The following RASAL3 variants were observed in gnomAD, a reference collection of about 807,000 sequenced individuals.
The protein encoded by RASAL3 is RAS protein activator like-3.
In RASAL3, 74 loss-of-function variants were observed where a neutral mutation model predicts 105.5. That is an observed-to-expected ratio of 0.70 (90% CI 0.58 to 0.85). The LOEUF is 0.85. Ranked by LOEUF, RASAL3 falls within the 40% of genes least tolerant of loss-of-function variation. The pLI is 0.00. For synonymous variants in RASAL3, 579 were observed against 591.6 expected, an observed-to-expected ratio of 0.98 and a Z score of 0.31; for missense variants, 1,352 against 1,392.0, an observed-to-expected ratio of 0.97 and a Z score of 0.46.
Position 15,456,795 on chromosome 19 carries a change from G to A in RASAL3, c.1432-149C>T, listed in dbSNP as rs946633431. The stretch of plus-strand genomic sequence containing the variant: ...GTCCTTACTGCTGGGGCTCATAACC[G>A]AGGCCGGAACCTCTAACCCTCACAG... On this transcript the variant is annotated intron_variant, in intron 9 of 17. Coordinates refer to ENST00000343625, the MANE Select transcript of RASAL3 (RefSeq NM_022904.3). The surrounding 1 kb of genome is among the most constrained non-coding windows in gnomAD (Gnocchi z 4.4). 12 of 980,578 alleles carry A rather than the reference G, an allele frequency of 1.2e-5. No individual in the cohort carries two copies. The Admixed American group carries it at 2.3e-4, about 19-fold the overall frequency. The allele number at this position is 980,578 out of a possible 1,614,324, so 60.7% of individuals were successfully genotyped here.
At chr19:15,464,416 T>G (rs1324679193) in intron 1 of RASAL3, 39 bp from the exon 2 acceptor site, 3 of 1,520,910 alleles carry the variant, frequency 2.0e-6, no homozygotes, top group African/African-American at 2.7e-5. Flanking sequence ...CCAGTGTCTG[T>G]CCACATACTG....
chr19:15,460,179 C>T (rs747293904), intron 6 of RASAL3, 24 bp downstream of exon 6: 1 of 1,593,306 alleles, frequency 6.3e-7, no homozygotes, highest in Non-Finnish European at 8.6e-7. Flanking sequence ...ACCCCAGCCC[C>T]TCCAGCCTCT....
chr19:15,453,520 T>C lies in RASAL3; in HGVS notation c.2280-23A>G. 1 of 1,494,200 alleles carries C rather than the reference T, an allele frequency of 6.7e-7. No individual in the cohort carries two copies. The allele number at this position is 1,494,200 out of a possible 1,614,324, so 92.6% of individuals were successfully genotyped here. ...AGGCTAGGGGTGGGATGGAGGATCT[T>C]AGACCCTCCACTGGCCCCTGAGACG... On this transcript the variant is annotated intron_variant, in intron 14 of 17. Coordinates refer to ENST00000343625, the MANE Select transcript of RASAL3 (RefSeq NM_022904.3). This position sits in a 1 kb window ranked among gnomAD's most constrained non-coding sequence, Gnocchi z 4.2.
rs890694974 is a variant in RASAL3, at chr19:15,452,883, C to T, written c.2671-68G>A. ...CCTGTGTCTCCCCGGAGACCCTGAC[C>T]TCCCAGGCCCAAGCGCTCAGCGTCA... On this transcript the variant is annotated intron_variant, in intron 15 of 17. Transcript: ENST00000343625. 70 of 1,476,444 alleles carry T rather than the reference C, an allele frequency of 4.7e-5. No homozygotes were observed. In the Admixed American group the frequency reaches 8.4e-4, roughly 18 times the overall value. The allele number at this position is 1,476,444 out of a possible 1,614,324, so 91.5% of individuals were successfully genotyped here.
chr19:15,455,494 G>T (rs1289825786), intron 11 of RASAL3, among the ~76,000 whole-genome samples: 1 of 152,156 alleles, frequency 6.6e-6, no homozygotes. Context: ...CCAGTGGCAT[G>T]AAATTGGGGA....
intron 11 of RASAL3, among the ~76,000 whole-genome samples, chr19:15,455,173 G>A (rs1970280324): frequency 6.6e-6 from 1 of 152,160 alleles, no homozygotes; most frequent in Admixed American, 6.5e-5. Context: ...TTATAGTTGG[G>A]GATACAGGGT....
intron 1 of RASAL3, 43 bp downstream of exon 1, chr19:15,464,461 GC>G: frequency 8.5e-7 from 1 of 1,177,734 alleles, no homozygotes; most frequent in East Asian, 2.6e-5. Flanking sequence ...CCTCAGCTCT[GC>G]CTCCAGGAAT....
At chr19:15,462,354 C>T (rs1315968330) in intron 2 of RASAL3, among the ~76,000 whole-genome samples, 4 of 152,054 alleles carry the variant, frequency 2.6e-5, no homozygotes, top group Admixed American at 2.6e-4. Flanking sequence ...GGCGTGGTGG[C>T]ACATGCCTGT....
Position 15,458,663 on chromosome 19 carries a change from G to A in RASAL3, c.663-8C>T, listed in dbSNP as rs767409203. 7.4e-6 allele frequency: 12 copies of A among 1,611,598 alleles called. No homozygotes were observed. The highest frequency in any genetic ancestry group is 1.3e-5 in the African/African-American group (1 of 74,906). On this transcript the variant is annotated splice_polypyrimidine_tract_variant and splice_region_variant and intron_variant, in intron 6 of 17. Transcript: ENST00000343625. ...CCCAGAGCACTGGGGGGTCTGGGAA[G>A]GGGGTGGGTGAGCACACCGTCATTC... is the stretch of plus-strand genomic sequence containing the variant.
intron 8 of RASAL3, 63 bp downstream of exon 8, chr19:15,458,265 T>G (rs1970391971): frequency 6.7e-7 from 1 of 1,489,802 alleles, no homozygotes; most frequent in African/African-American, 1.4e-5. Context: ...TTGGGTAGAG[T>G]GGAAGGGGCG....
At position 15,451,907 on chromosome 19, in the gene RASAL3, T is replaced by C. The variant is rs780018062; in HGVS notation, c.2924A>G (p.Gln975Arg). Residue 975 changes from glutamine to arginine, a missense_variant, in exon 18 of 18, where the codon CAG (glutamine) becomes CGG (arginine). Transcript: ENST00000343625. ...CTGGACAGCATCCCTCAGCTGAGCC[T>C]GAGTTCTCTCCATCTCATTTAGGCG... ...EHRLNEMERT[Q>R]AQLRDAVQSL... is the part of the protein sequence containing the mutation. The C allele has an allele frequency of 3.7e-6, 6 of 1,608,166 alleles. No homozygotes were observed. The highest frequency in any genetic ancestry group is 1.7e-6 in the Non-Finnish European group (2 of 1,175,098).
intron 16 of RASAL3, 110 bp from the exon 17 acceptor site, chr19:15,452,218 CT>C: frequency 9.7e-7 from 1 of 1,032,916 alleles, no homozygotes; most frequent in Non-Finnish European, 1.5e-6. Context: ...GGAGGCGGAG[CT>C]TGTCCAGACT....
rs1170593913 is a variant in RASAL3, at chr19:15,454,158, A to T, written c.2270T>A (p.Val757Asp). 1 of 1,560,856 alleles carries T rather than the reference A, an allele frequency of 6.4e-7. No individual in the cohort carries two copies. The highest frequency in any genetic ancestry group is 2.4e-5 in the East Asian group (1 of 41,842). The change falls in exon 14 of 18, where the codon GTC becomes GAC. Residue 757 changes from valine to aspartate, a missense_variant. By Grantham distance (152) the Val-to-Asp change is radical. Coordinates refer to ENST00000343625, the MANE Select transcript of RASAL3 (RefSeq NM_022904.3). ...PMRLPLPPAQ[V>D]HSSLSAGEKP... ...CCAGACTTGAGGTTACCTGGAGTGGACCTGGGCCGGGGGCAGTGGGAGACG... is the reference window on the plus strand; with the variant it reads ...CCAGACTTGAGGTTACCTGGAGTGGTCCTGGGCCGGGGGCAGTGGGAGACG...
At chr19:15,452,174 G>T in intron 16 of RASAL3, 66 bp from the exon 17 acceptor site, 1 of 1,536,770 alleles carries the variant, frequency 6.5e-7, no homozygotes, top group Non-Finnish European at 9.0e-7. Flanking sequence ...CTCCTGGTGG[G>T]AGTGCCAGGG....
chr19:15,457,476 CG>C lies in RASAL3; in HGVS notation c.1246del (p.Arg416GlyfsTer65). On this transcript the variant is annotated frameshift_variant, in exon 9 of 18. Coordinates refer to ENST00000343625, the MANE Select transcript of RASAL3 (RefSeq NM_022904.3). LOFTEE classifies it high-confidence loss of function. The surrounding 1 kb of genome is among the most constrained non-coding windows in gnomAD (Gnocchi z 8.6). ...CAGGCGACGCGCCCGAATCCGCGCC[CG>C]CAGCGCTGCGCCCGCCGGCGCCCCG... ...LLGAPAGAAL[R>X]ARIRARRLRV... The C allele has an allele frequency of 8.0e-7, 1 of 1,256,156 alleles. No homozygotes were observed. Among genetic ancestry groups the C allele is most frequent in the South Asian group, 1.8e-5 (1 of 54,686 alleles). 77.8% of individuals were successfully genotyped at this position (1,256,156 alleles called of 1,614,324 possible).
At chr19:15,458,704 C>A (rs1970410707) in intron 6 of RASAL3, 49 bp from the exon 7 acceptor site, 2 of 1,589,062 alleles carry the variant, frequency 1.3e-6, no homozygotes, top group Non-Finnish European at 1.7e-6. Flanking sequence ...TCTTCCCCAT[C>A]CCCCATAGCC....
chr19:15,455,266 G>C (rs182006992), intron 11 of RASAL3, among the ~76,000 whole-genome samples: 30 of 152,270 alleles, frequency 2.0e-4, no homozygotes, highest in African/African-American at 6.7e-4. Flanking sequence ...ATATAAAGTA[G>C]GATTGGGGCT....
Position 15,454,783 on chromosome 19 carries a change from C to G in RASAL3, c.1832G>C (p.Arg611Pro). The G allele has an allele frequency of 2.5e-6, 4 of 1,601,684 alleles. No individual in the cohort carries two copies. Among genetic ancestry groups the G allele is most frequent in the South Asian group, 1.1e-5 (1 of 89,218 alleles). The change falls in exon 12 of 18, where the codon CGG becomes CCG. Residue 611 changes from arginine (R) to proline (P), a missense_variant. By Grantham distance (103) the Arg-to-Pro change is moderately radical. Coordinates refer to ENST00000343625, the MANE Select transcript of RASAL3 (RefSeq NM_022904.3). ...PRLVCASLFL[R>P]LLCPAILAPS... ...TGCCAGGATGGCAGGGCACAGGAGC[C>G]GCAGGAAGAGGGAGGCGCACACCAG... is the stretch of plus-strand genomic sequence containing the variant.
chr19:15,452,235 G>GT, intron 16 of RASAL3, 127 bp from the exon 17 acceptor site: 1 of 875,500 alleles, frequency 1.1e-6, no homozygotes, highest in Non-Finnish European at 1.9e-6. Context: ...AGACTGAGGG[G>GT]CGGGGCCTAA....
Sources: allele counts gnomAD v4.1 joint callset (sites outside exome capture counted in the v4.1 genomes callset), GRCh38; gene constraint gnomAD v4.1.1; non-coding constraint Gnocchi (gnomAD v3.1); transcripts MANE v1.5; gene names NCBI Gene and HGNC (gene_info 2026-07-23, HGNC 2026-07-21).